The following TENM1 variants were observed in gnomAD, a reference collection of about 807,000 sequenced individuals.
TENM1 encodes the protein teneurin-1.
A neutral mutation model predicts 174.8 loss-of-function variants in TENM1; 35 were observed. The observed-to-expected ratio is 0.20, with a 90% CI of 0.15 to 0.27. The LOEUF is 0.27. Ranked by LOEUF, TENM1 falls within the 10% of genes least tolerant of loss-of-function variation. The pLI is 1.00. For missense variants in TENM1, 1,633 were observed against 2,130.1 expected (o/e 0.77, Z 4.59); for synonymous variants, 781 against 798.7 (o/e 0.98, Z 0.37).
chrX:124,525,510 A>G (rs1434160148), intron 16 of TENM1, among the ~76,000 whole-genome samples: 2 of 112,342 alleles, frequency 1.8e-5, no homozygotes, highest in African/African-American at 6.5e-5. Flanking sequence ...TCAAAATTGA[A>G]GTGCTTATTT....
intron 3 of TENM1, among the ~76,000 whole-genome samples, chrX:124,755,861 G>A (rs201713165): frequency 9.2e-6 from 1 of 108,211 alleles, no homozygotes; most frequent in African/African-American, 3.5e-5. Flanking sequence ...GAGATCTGCT[G>A]TTAGTCTGAT....
chrX:125,037,571 G>A, the TENM1 span, among the ~76,000 whole-genome samples: 31 of 110,457 alleles, frequency 2.8e-4, no homozygotes, highest in Non-Finnish European at 4.7e-4. Flanking sequence ...ACTATTTTAC[G>A]GTATAATAGA....
intron 1 of TENM1, among the ~76,000 whole-genome samples, chrX:124,960,187 A>G (rs1431029655): frequency 8.9e-6 from 1 of 112,165 alleles, no homozygotes; most frequent in East Asian, 2.8e-4. Context: ...AGCCATATTG[A>G]ATGTTTCACC....
chrX:124,853,855 G>A (rs192028505), intron 3 of TENM1, among the ~76,000 whole-genome samples: 1,920 of 110,714 alleles, frequency 0.017, 30 homozygotes, highest in African/African-American at 0.06. Flanking sequence ...GAAGAAGAAG[G>A]AAAAATGAAA....
chrX:124,429,201 C>A (rs1016259527), intron 23 of TENM1, among the ~76,000 whole-genome samples: 6 of 112,108 alleles, frequency 5.4e-5, no homozygotes, highest in Non-Finnish European at 1.1e-4. Flanking sequence ...CTGGCCTCCC[C>A]TTATCCCCTT....
chrX:124,718,903 G>A (rs755421417), intron 4 of TENM1, among the ~76,000 whole-genome samples: 38 of 111,930 alleles, frequency 3.4e-4, no homozygotes, highest in African/African-American at 1.0e-3. Context: ...ATTTGGCAAT[G>A]TCAGTAGACA....
At chrX:125,036,650 C>A in the TENM1 span, among the ~76,000 whole-genome samples, 1 of 111,855 alleles carries the variant, frequency 8.9e-6, no homozygotes, top group Non-Finnish European at 1.9e-5. Context: ...AGATAGGAAA[C>A]CTCTTTGGCA....
the TENM1 span, among the ~76,000 whole-genome samples, chrX:125,198,939 G>A: frequency 3.6e-5 from 4 of 111,102 alleles, no homozygotes; most frequent in African/African-American, 1.3e-4. Flanking sequence ...CTGCCTTGCT[G>A]AAAAGGTCAG....
At chrX:124,544,053 G>A (rs2048378649) in intron 15 of TENM1, among the ~76,000 whole-genome samples, 1 of 113,012 alleles carries the variant, frequency 8.8e-6, no homozygotes, top group African/African-American at 3.2e-5. Flanking sequence ...TTTGCCGGTA[G>A]GCAAACAAGC....
At chrX:124,477,383 A>T (rs768121956) in intron 22 of TENM1, among the ~76,000 whole-genome samples, 2 of 112,489 alleles carry the variant, frequency 1.8e-5, no homozygotes, top group African/African-American at 6.4e-5. Flanking sequence ...TCTTGTAAAT[A>T]AAAATATTTT....
At chrX:124,954,005 A>G (rs2058532615) in intron 1 of TENM1, among the ~76,000 whole-genome samples, 1 of 112,045 alleles carries the variant, frequency 8.9e-6, no homozygotes, top group South Asian at 3.7e-4. Context: ...GCAAGACCAA[A>G]GAATTTTGAA....
At chrX:124,803,145 A>G (rs1474171902) in intron 3 of TENM1, among the ~76,000 whole-genome samples, 1 of 112,135 alleles carries the variant, frequency 8.9e-6, no homozygotes, top group East Asian at 2.8e-4. Context: ...AAGTACCAAG[A>G]GTAATATAAC....
intron 13 of TENM1, 114 bp from the exon 17 acceptor site, chrX:124,561,931 T>C (rs1569309093): frequency 1.3e-6 from 1 of 752,681 alleles, no homozygotes; most frequent in African/African-American, 2.1e-5. Flanking sequence ...TCAGATGAGG[T>C]GTTGAATAAA....
intron 3 of TENM1, among the ~76,000 whole-genome samples, chrX:124,866,530 T>C (rs1448100972): frequency 1.8e-5 from 2 of 111,439 alleles, no homozygotes; most frequent in African/African-American, 6.5e-5. Flanking sequence ...AGGAGGTTTA[T>C]AGCTATAATG....
At chrX:124,523,431 A>C (rs1336414381) in exon 17 of TENM1, 1 of 1,210,099 alleles carries the variant, frequency 8.3e-7, no homozygotes, top group African/African-American at 1.7e-5. Context: ...CGGTGAAGGA[A>C]GCACAATAGG....
chrX:124,471,158 G>A (rs1210856117), intron 22 of TENM1, among the ~76,000 whole-genome samples: 1 of 76,127 alleles, frequency 1.3e-5, no homozygotes, highest in Non-Finnish European at 2.3e-5. Context: ...TATATATTAT[G>A]TCATATATAA....
the TENM1 span, among the ~76,000 whole-genome samples, chrX:124,978,001 A>T: frequency 4.0e-5 from 4 of 100,761 alleles, no homozygotes; most frequent in South Asian, 4.6e-4. Context: ...AGAGAGAGAG[A>T]GAGAGAGAGA....
At chrX:124,908,419 A>G (rs930136426) in intron 1 of TENM1, among the ~76,000 whole-genome samples, 7 of 111,000 alleles carry the variant, frequency 6.3e-5, no homozygotes, top group Non-Finnish European at 1.1e-4. Flanking sequence ...GAGAACACAC[A>G]GTGTTTGGTT....
At position 124,642,016 on chromosome X, in the gene TENM1, G is replaced by A. The variant is rs758873338; in HGVS notation, c.1877-25C>T. 4.8e-5 allele frequency: 55 copies of A among 1,140,669 alleles called. No individual in the cohort carries two copies. In the East Asian group the frequency reaches 1.2e-3, roughly 24 times the overall value. 94.0% of individuals were successfully genotyped at this position (1,140,669 alleles called of 1,213,427 possible). On this transcript the variant is annotated intron_variant, in intron 10 of 31. Transcript: ENST00000422452. ...TCTGAAGGCACAAAAAAGTGGGGGG[G>A]AGGGGTGATTAATAGTGAACAGGTA... is the stretch of plus-strand genomic sequence containing the variant.
Sources: allele counts gnomAD v4.1 joint callset (sites outside exome capture counted in the v4.1 genomes callset), GRCh38; gene constraint gnomAD v4.1.1; transcripts MANE v1.5; gene names NCBI Gene and HGNC (gene_info 2026-07-23, HGNC 2026-07-21).